MICU1: variants seen among roughly 807,000 people sequenced by gnomAD.
The protein encoded by MICU1 is mitochondrial calcium uptake 1, also known as calcium uptake protein 1, mitochondrial.
A neutral mutation model predicts 56.8 loss-of-function variants in MICU1; 45 were observed. The observed-to-expected ratio is 0.79, with a 90% CI of 0.62 to 1.02. The LOEUF (loss-of-function observed/expected upper bound fraction) is 1.02. Among genes scored for constraint, MICU1 ranks in the 50% least tolerant of loss-of-function variants. MICU1 has a pLI of 0.00. For missense variants in MICU1, 504 were observed against 587.1 expected (o/e 0.86, Z 1.46); for synonymous variants, 186 against 195.1 (o/e 0.95, Z 0.39).
chr10:72,464,807 G>A (rs971670086), intron 8 of MICU1, among the ~76,000 whole-genome samples: 2 of 152,142 alleles, frequency 1.3e-5, no homozygotes, highest in Non-Finnish European at 2.9e-5. Flanking sequence ...AAAGGGAATT[G>A]CAAGAAATTA....
chr10:72,510,120 C>T (rs922146300), intron 5 of MICU1, among the ~76,000 whole-genome samples: 2 of 151,802 alleles, frequency 1.3e-5, no homozygotes, highest in African/African-American at 4.8e-5. Flanking sequence ...GAGAAACAGA[C>T]AAAAGTCTAA....
chr10:72,399,147 A>G (rs534191565), intron 10 of MICU1, among the ~76,000 whole-genome samples: 2 of 152,272 alleles, frequency 1.3e-5, no homozygotes, highest in South Asian at 4.2e-4. Flanking sequence ...ACATACGCAA[A>G]CCATGTCCTT....
intron 1 of MICU1, among the ~76,000 whole-genome samples, chr10:72,597,240 T>A (rs1259250539): frequency 1.3e-5 from 2 of 152,226 alleles, no homozygotes; most frequent in African/African-American, 4.8e-5. Flanking sequence ...CACCCACAAT[T>A]GCTCACACTA....
chr10:72,405,986 G>C (rs1189310897), intron 10 of MICU1, among the ~76,000 whole-genome samples: 1 of 151,336 alleles, frequency 6.6e-6, no homozygotes, highest in Non-Finnish European at 1.5e-5. Flanking sequence ...GGTGGGGTAA[G>C]CAAGTGCAAT....
intron 8 of MICU1, among the ~76,000 whole-genome samples, chr10:72,471,031 C>T (rs967862969): frequency 6.6e-6 from 1 of 152,176 alleles, no homozygotes; most frequent in African/African-American, 2.4e-5. Flanking sequence ...TGTGTAGGAA[C>T]ACATGCATGA....
chr10:72,426,848 A>G (rs2132146100), intron 8 of MICU1, among the ~76,000 whole-genome samples: 2 of 152,350 alleles, frequency 1.3e-5, no homozygotes, highest in Middle Eastern at 3.4e-3. Flanking sequence ...AGTGCCATAT[A>G]CATGTAATCA....
intron 1 of MICU1, among the ~76,000 whole-genome samples, chr10:72,576,844 C>T (rs1234987154): frequency 2.0e-5 from 3 of 152,182 alleles, no homozygotes; most frequent in Non-Finnish European, 2.9e-5. Flanking sequence ...GAAGGCAACG[C>T]TCATTCATCA....
At chr10:72,610,274 AT>A (rs1456693461) in intron 1 of MICU1, among the ~76,000 whole-genome samples, 12 of 151,282 alleles carry the variant, frequency 7.9e-5, no homozygotes, top group East Asian at 3.9e-4. Context: ...AAAAAAAAAA[AT>A]AGTAAAAAAG....
intron 4 of MICU1, among the ~76,000 whole-genome samples, chr10:72,534,599 C>T (rs577735830): frequency 6.6e-6 from 1 of 152,292 alleles, no homozygotes; most frequent in South Asian, 2.1e-4. Flanking sequence ...CTCAGTTACA[C>T]TTATTTTCTT....
At chr10:72,440,133 T>C (rs1259240539) in intron 8 of MICU1, among the ~76,000 whole-genome samples, 1 of 152,148 alleles carries the variant, frequency 6.6e-6, no homozygotes, top group East Asian at 1.9e-4. Flanking sequence ...GGCATCACGC[T>C]ACCTGACTTC....
At chr10:72,555,467 T>C (rs900702393) in intron 3 of MICU1, among the ~76,000 whole-genome samples, 14 of 152,134 alleles carry the variant, frequency 9.2e-5, no homozygotes, top group Non-Finnish European at 1.9e-4. Context: ...GTGGTGAACA[T>C]CACCACTCCT....
Position 72,575,798 on chromosome 10 carries a change from C to T in MICU1, c.-1-9004G>A, listed in dbSNP as rs535391068. 1.9e-4 allele frequency among the ~76,000 whole-genome samples: 29 copies of T among 152,272 alleles called. 1 individual carries two copies. In the East Asian group the frequency reaches 5.2e-3, roughly 27 times the overall value. The stretch of plus-strand genomic sequence containing the variant: ...CCCCGTCTCTCTCCCTTTCCTCAAG[C>T]CTTCCCATTCCCTGAGACACAGTAA... On this transcript the variant is annotated intron_variant, in intron 1 of 11. Coordinates refer to ENST00000361114, the MANE Select transcript of MICU1 (RefSeq NM_001195518.2).
chr10:72,565,887 A>G (rs1348035240), intron 2 of MICU1, among the ~76,000 whole-genome samples: 2 of 152,156 alleles, frequency 1.3e-5, no homozygotes, highest in Non-Finnish European at 2.9e-5. Context: ...TATTTTAAGA[A>G]AGAGAAGACT....
intron 4 of MICU1, among the ~76,000 whole-genome samples, chr10:72,538,337 T>C (rs551972707): frequency 5.3e-5 from 8 of 151,996 alleles, no homozygotes; most frequent in African/African-American, 1.9e-4. Context: ...AATGGAAAAA[T>C]GAACAGAGAC....
chr10:72,480,195 T>C (rs1866247283), intron 6 of MICU1, among the ~76,000 whole-genome samples: 2 of 152,108 alleles, frequency 1.3e-5, no homozygotes, highest in African/African-American at 2.4e-5. Flanking sequence ...AAGGCAGAAA[T>C]TATAGAACTT....
At chr10:72,615,840 A>C (rs376893837) in intron 1 of MICU1, among the ~76,000 whole-genome samples, 98 of 152,214 alleles carry the variant, frequency 6.4e-4, no homozygotes, top group African/African-American at 2.2e-3. Context: ...AATACAAAAA[A>C]TTAGCCGGGC....
At chr10:72,588,078 G>T (rs997506964) in intron 1 of MICU1, among the ~76,000 whole-genome samples, 13 of 152,100 alleles carry the variant, frequency 8.5e-5, no homozygotes, top group African/African-American at 3.1e-4. Context: ...GGATCACGGG[G>T]GGCAGATTTT....
chr10:72,500,293 TATATATA>T (rs1867014060), intron 6 of MICU1, among the ~76,000 whole-genome samples: 3 of 9,668 alleles, frequency 3.1e-4, no homozygotes, highest in Non-Finnish European at 4.7e-4. Flanking sequence ...TATATATATA[TATATATA>T]TATTTTTTTT....
intron 8 of MICU1, among the ~76,000 whole-genome samples, chr10:72,474,640 T>C (rs1302206573): frequency 6.6e-6 from 1 of 152,148 alleles, no homozygotes; most frequent in African/African-American, 2.4e-5. Flanking sequence ...TATGGGTGTA[T>C]GCCACTGTGC....
Sources: gnomAD v4.1 joint callset for allele counts (sites outside exome capture counted in the v4.1 genomes callset) on GRCh38, gnomAD v4.1.1 for gene constraint, MANE v1.5 for transcripts, NCBI Gene and HGNC (gene_info 2026-07-23, HGNC 2026-07-21) for gene names.